The following PARD3 variants were observed in gnomAD, a reference collection of about 807,000 sequenced individuals.
PARD3 encodes the protein partitioning defective 3 homolog.
PARD3 carries 75 observed loss-of-function variants against 155.4 expected under a neutral mutation model. That is an observed-to-expected ratio of 0.48 (90% CI 0.40 to 0.58). The LOEUF is 0.58. Ranked by LOEUF, PARD3 falls within the 20% of genes least tolerant of loss-of-function variation. PARD3 has a pLI of 0.00. For missense variants in PARD3, 1,642 were observed against 1,721.7 expected (o/e 0.95, Z 0.82); for synonymous variants, 576 against 610.5 (o/e 0.94, Z 0.83).
intron 2 of PARD3, among the ~76,000 whole-genome samples, chr10:34,599,401 T>C (rs995339481): frequency 1.3e-5 from 2 of 152,154 alleles, no homozygotes; most frequent in African/African-American, 2.4e-5. Flanking sequence ...ATAAAATGTA[T>C]ATGAACAGTT....
intron 5 of PARD3, among the ~76,000 whole-genome samples, chr10:34,436,935 A>T (rs1393692036): frequency 2.0e-5 from 3 of 152,238 alleles, no homozygotes; most frequent in Non-Finnish European, 4.4e-5. Context: ...CAAGAAACAA[A>T]TAACTGTGGC....
At chr10:34,665,702 G>A (rs533320175) in intron 2 of PARD3, among the ~76,000 whole-genome samples, 5 of 152,074 alleles carry the variant, frequency 3.3e-5, no homozygotes, top group African/African-American at 1.2e-4. Flanking sequence ...GCCTGGCATG[G>A]TGGCACGTGC....
intron 19 of PARD3, among the ~76,000 whole-genome samples, chr10:34,319,266 T>C (rs1219404975): frequency 1.3e-5 from 2 of 151,572 alleles, no homozygotes; most frequent in Non-Finnish European, 2.9e-5. Context: ...TTTTTGTATT[T>C]TTAGTAGAGA....
At position 34,665,846 on chromosome 10, in the gene PARD3, AGAAC is replaced by A. The variant is rs1564479536; in HGVS notation, c.222+30468_222+30471del. Reference sequence around the variant, plus strand: ...TGAGACTTCGTCTCAATTAAAGAACAGAACAGAACAGAACAGAACAGAACAGAAC... The same window carrying A: ...TGAGACTTCGTCTCAATTAAAGAACAAGAACAGAACAGAACAGAACAGAAC... On this transcript the variant is annotated intron_variant, in intron 2 of 24. Transcript: ENST00000374788. Among the ~76,000 whole-genome samples, 451 of 57,824 alleles carry A rather than the reference AGAAC, an allele frequency of 7.8e-3. 9 individuals carry two copies. Among genetic ancestry groups the A allele is most frequent in the African/African-American group, 0.025 (430 of 17,200 alleles). The allele number at this position is 57,824 out of a possible 152,430, so 37.9% of individuals were successfully genotyped here.
intron 20 of PARD3, among the ~76,000 whole-genome samples, chr10:34,315,121 C>T (rs770903917): frequency 3.5e-4 from 54 of 152,148 alleles, no homozygotes; most frequent in Non-Finnish European, 6.9e-4. Context: ...ACTTCTTTAT[C>T]ATAAAGCTGG....
intron 2 of PARD3, among the ~76,000 whole-genome samples, chr10:34,534,878 G>A (rs943785194): frequency 2.0e-5 from 3 of 152,162 alleles, no homozygotes; most frequent in Non-Finnish European, 4.4e-5. Context: ...CAAGCATGAT[G>A]GTGCATGCCT....
chr10:34,515,372 A>C (rs964911547), intron 3 of PARD3, among the ~76,000 whole-genome samples: 7 of 152,248 alleles, frequency 4.6e-5, no homozygotes, highest in Admixed American at 3.9e-4. Flanking sequence ...AAAATATTCA[A>C]CTAAAACAAC....
Position 34,154,436 on chromosome 10 carries a change from C to T in PARD3, c.3420-22853G>A, listed in dbSNP as rs560271851. Among the ~76,000 whole-genome samples, 12 of 152,282 alleles carry T rather than the reference C, an allele frequency of 7.9e-5. No individual in the cohort carries two copies. The East Asian group carries it at 1.9e-3, about 24-fold the overall frequency. ...TGCAGCTTTCCTGGCAACAGACTCACTTAATGATGCCTGGAATGAAGCCTG... is the reference window on the plus strand; with the variant it reads ...TGCAGCTTTCCTGGCAACAGACTCATTTAATGATGCCTGGAATGAAGCCTG... On this transcript the variant is annotated intron_variant, in intron 22 of 24. Transcript: ENST00000374788.
intron 20 of PARD3, among the ~76,000 whole-genome samples, chr10:34,304,846 C>T (rs1228285664): frequency 6.6e-6 from 1 of 152,174 alleles, no homozygotes; most frequent in Non-Finnish European, 1.5e-5. Context: ...CTGCTAGCCA[C>T]AGTATTGGCT....
chr10:34,520,532 TA>T (rs1184022781), intron 2 of PARD3, among the ~76,000 whole-genome samples: 1 of 152,296 alleles, frequency 6.6e-6, no homozygotes, highest in East Asian at 1.9e-4. Flanking sequence ...CTGCCTGTAT[TA>T]GAGACACAGA....
intron 7 of PARD3, among the ~76,000 whole-genome samples, chr10:34,393,581 A>G (rs1009361895): frequency 6.6e-6 from 1 of 151,748 alleles, no homozygotes; most frequent in African/African-American, 2.4e-5. Context: ...AAAGGAAAAA[A>G]AAAAAAGATC....
chr10:34,792,690 A>T (rs1333336684), intron 1 of PARD3, among the ~76,000 whole-genome samples: 2 of 152,188 alleles, frequency 1.3e-5, no homozygotes, highest in Non-Finnish European at 2.9e-5. Context: ...GGAGGTCTAC[A>T]GTGACCTGTG....
intron 1 of PARD3, among the ~76,000 whole-genome samples, chr10:34,808,748 C>G (rs957283633): frequency 1.3e-5 from 2 of 152,202 alleles, no homozygotes; most frequent in South Asian, 4.1e-4. Flanking sequence ...ACGGAGGATC[C>G]GTCTGTGGGT....
chr10:34,346,768 G>A (rs965482249), intron 15 of PARD3, among the ~76,000 whole-genome samples: 8 of 152,158 alleles, frequency 5.3e-5, no homozygotes, highest in African/African-American at 1.9e-4. Context: ...TGTTGACAAA[G>A]TAACACCAGA....
intron 5 of PARD3, among the ~76,000 whole-genome samples, chr10:34,445,771 C>T (rs2076705226): frequency 6.6e-6 from 1 of 150,520 alleles, no homozygotes; most frequent in African/African-American, 2.5e-5. Flanking sequence ...TCTTTTTCTA[C>T]CAATTTTGCA....
chr10:34,432,332 G>GCA (rs1284264665), intron 5 of PARD3, among the ~76,000 whole-genome samples: 49 of 70,922 alleles, frequency 6.9e-4, no homozygotes, highest in Admixed American at 6.4e-3. Context: ...ATATACACGT[G>GCA]CACATACACA....
intron 1 of PARD3, among the ~76,000 whole-genome samples, chr10:34,741,896 G>C (rs1357398755): frequency 8.5e-5 from 13 of 152,176 alleles, no homozygotes; most frequent in African/African-American, 3.1e-4. Flanking sequence ...TCCAGATTTT[G>C]CAAGCATTAG....
At chr10:34,143,690 C>G (rs955147729) in intron 22 of PARD3, among the ~76,000 whole-genome samples, 1 of 151,992 alleles carries the variant, frequency 6.6e-6, no homozygotes, top group African/African-American at 2.4e-5. Context: ...CTTGAAATGA[C>G]TCAGAATATT....
At chr10:34,381,912 CAAAAA>C (rs202053812) in intron 9 of PARD3, among the ~76,000 whole-genome samples, 88 of 71,838 alleles carry the variant, frequency 1.2e-3, no homozygotes, top group Middle Eastern at 7.2e-3. Flanking sequence ...GGCCCTGTCT[CAAAAA>C]AAAAAAAAAA....
Sources: gnomAD v4.1 joint callset for allele counts (sites outside exome capture counted in the v4.1 genomes callset) on GRCh38, gnomAD v4.1.1 for gene constraint, MANE v1.5 for transcripts, NCBI Gene and HGNC (gene_info 2026-07-23, HGNC 2026-07-21) for gene names.